MEMO1: variants seen among roughly 807,000 people sequenced by gnomAD.
MEMO1 encodes protein MEMO1.
Under a neutral mutation model 45.2 loss-of-function variants are expected in MEMO1, and 6 were observed. The observed-to-expected ratio is 0.13, with a 90% CI of 0.07 to 0.26. MEMO1 has a LOEUF of 0.26. Ranked by LOEUF, MEMO1 falls within the 10% of genes least tolerant of loss-of-function variation. The pLI, the probability that MEMO1 is intolerant of heterozygous loss-of-function variation, is 1.00. For missense variants in MEMO1, 184 were observed against 370.5 expected (o/e 0.50, Z 4.13); for synonymous variants, 78 against 124.3 (o/e 0.63, Z 2.48).
At chr2:31,878,363 G>A (rs370123143) in intron 8 of MEMO1, among the ~76,000 whole-genome samples, 4 of 152,316 alleles carry the variant, frequency 2.6e-5, no homozygotes, top group African/African-American at 9.6e-5. Flanking sequence ...ATATGGGGCA[G>A]AAGAGTAACA....
intron 8 of MEMO1, among the ~76,000 whole-genome samples, chr2:31,871,268 CTG>C (rs926171408): frequency 2.4e-4 from 37 of 152,064 alleles, no homozygotes; most frequent in African/African-American, 8.5e-4. Context: ...ACTGGTTATT[CTG>C]TGTTTTTGTT....
At chr2:31,975,102 G>A (rs550348084) in intron 2 of MEMO1, among the ~76,000 whole-genome samples, 8 of 151,052 alleles carry the variant, frequency 5.3e-5, no homozygotes, top group Admixed American at 2.0e-4. Flanking sequence ...AAACTGGGAG[G>A]CAGAGGTTGC....
At chr2:31,989,349 A>G (rs1671662890) in intron 2 of MEMO1, among the ~76,000 whole-genome samples, 1 of 152,244 alleles carries the variant, frequency 6.6e-6, no homozygotes, top group African/African-American at 2.4e-5. Context: ...AGTTTCTACC[A>G]CTATGGGCTT....
At chr2:31,886,360 T>G (rs1676188124) in intron 7 of MEMO1, among the ~76,000 whole-genome samples, 1 of 152,216 alleles carries the variant, frequency 6.6e-6, no homozygotes, top group Non-Finnish European at 1.5e-5. Flanking sequence ...AGGCATCTAA[T>G]TTGAAGTAAA....
intron 3 of MEMO1, among the ~76,000 whole-genome samples, chr2:31,941,750 A>C (rs1037281805): frequency 6.6e-6 from 1 of 152,244 alleles, no homozygotes; most frequent in Non-Finnish European, 1.5e-5. Context: ...CAGATAAAAA[A>C]GTTGCATGTC....
chr2:31,966,459 G>T (rs1465120680), intron 2 of MEMO1, among the ~76,000 whole-genome samples: 2 of 152,138 alleles, frequency 1.3e-5, no homozygotes, highest in Admixed American at 1.3e-4. Flanking sequence ...GGCCAGGCGC[G>T]GTGGCTCACG....
intron 6 of MEMO1, among the ~76,000 whole-genome samples, chr2:31,894,302 T>C (rs1042996228): frequency 6.6e-6 from 1 of 152,154 alleles, no homozygotes; most frequent in African/African-American, 2.4e-5. Context: ...CACTGAGGTA[T>C]AAGTTCCATC....
rs1399978689 is a variant in MEMO1, at chr2:31,959,546, T to G, written c.62-16163A>C. On this transcript the variant is annotated intron_variant, in intron 2 of 9. Coordinates refer to ENST00000404530, the MANE Select transcript of MEMO1 (RefSeq NM_001301833.4). ...ATTGATTTTGGTGATTATGAGAAAT[T>G]GGGAGCCTTTGAGCAGTTATTTTTC... Among the ~76,000 whole-genome samples the G allele has an allele frequency of 2.0e-5, 3 of 151,470 alleles. No homozygotes were observed. In the East Asian group the frequency reaches 5.8e-4, roughly 29 times the overall value.
intron 2 of MEMO1, among the ~76,000 whole-genome samples, chr2:32,001,196 G>A (rs1260526882): frequency 1.3e-5 from 2 of 151,648 alleles, no homozygotes; most frequent in Non-Finnish European, 2.9e-5. Flanking sequence ...CCGCCATCAC[G>A]GCCGGCTAAT....
At chr2:31,874,089 TATAAC>T (rs1346592109) in intron 8 of MEMO1, among the ~76,000 whole-genome samples, 2 of 152,130 alleles carry the variant, frequency 1.3e-5, no homozygotes, top group African/African-American at 4.8e-5. Flanking sequence ...AAAAAGAAGT[TATAAC>T]AGATGAATAC....
In MEMO1 at chr2:31,903,918, T is replaced by C. The variant is rs1226400635; in HGVS notation, c.438-11784A>G. On this transcript the variant is annotated intron_variant, in intron 6 of 9. Coordinates refer to ENST00000404530, the MANE Select transcript of MEMO1 (RefSeq NM_001301833.4). The stretch of plus-strand genomic sequence containing the variant: ...TTATTCTACGTCCAGAGAGAAGCCA[T>C]TCCATTCCTTAAAGACTACCTATAT... Among the ~76,000 whole-genome samples the C allele has an allele frequency of 2.0e-5, 3 of 152,218 alleles. No individual in the cohort carries two copies. The East Asian group carries it at 5.8e-4, about 29-fold the overall frequency.
At chr2:31,955,775 A>T (rs1309083813) in intron 2 of MEMO1, among the ~76,000 whole-genome samples, 1 of 151,760 alleles carries the variant, frequency 6.6e-6, no homozygotes, top group South Asian at 2.1e-4. Context: ...GGCCCAACTA[A>T]TTTTGTATTT....
chr2:31,976,094 A>C (rs569014170), intron 2 of MEMO1, among the ~76,000 whole-genome samples: 2 of 152,258 alleles, frequency 1.3e-5, no homozygotes, highest in South Asian at 4.1e-4. Flanking sequence ...GTTTCCCCTG[A>C]GATTAGTACT....
At chr2:31,939,350 C>T (rs1665339501) in intron 3 of MEMO1, among the ~76,000 whole-genome samples, 1 of 152,042 alleles carries the variant, frequency 6.6e-6, no homozygotes, top group Non-Finnish European at 1.5e-5. Flanking sequence ...ACACCAAAGC[C>T]AAAACTATTT....
At position 31,963,249 on chromosome 2, in the gene MEMO1, T is replaced by C. The variant is rs1322657855; in HGVS notation, c.62-19866A>G. On this transcript the variant is annotated intron_variant, in intron 2 of 9. Coordinates refer to ENST00000404530, the MANE Select transcript of MEMO1 (RefSeq NM_001301833.4). ...AGCCCTCCATAATGGCATGAGTCAA[T>C]TCCAAATAAATCTCTTTCTATATTG... 7.8e-6 allele frequency: 12 copies of C among 1,544,320 alleles called. No homozygotes were observed. The Middle Eastern group carries it at 5.0e-4, about 65-fold the overall frequency.
intron 4 of MEMO1, among the ~76,000 whole-genome samples, chr2:31,931,732 C>T (rs754694318): frequency 2.0e-5 from 3 of 151,984 alleles, no homozygotes; most frequent in South Asian, 2.1e-4. Context: ...TCTTAAATTA[C>T]GAAATGATTA....
At chr2:31,891,351 C>A (rs776620874) in intron 7 of MEMO1, among the ~76,000 whole-genome samples, 1 of 152,118 alleles carries the variant, frequency 6.6e-6, no homozygotes, top group Non-Finnish European at 1.5e-5. Context: ...CTAAAAGAGG[C>A]ATCCACAAAC....
At chr2:31,977,622 T>A (rs1166716729) in intron 2 of MEMO1, among the ~76,000 whole-genome samples, 1 of 152,152 alleles carries the variant, frequency 6.6e-6, no homozygotes, top group African/African-American at 2.4e-5. Context: ...CAAGCGATTC[T>A]CCTGCCTCAG....
intron 7 of MEMO1, among the ~76,000 whole-genome samples, chr2:31,887,586 A>G (rs778456931): frequency 3.3e-5 from 5 of 152,200 alleles, no homozygotes; most frequent in Non-Finnish European, 7.4e-5. Context: ...GAAAAAATGT[A>G]TTTCATAAAG....
Sources: allele counts gnomAD v4.1 joint callset (sites outside exome capture counted in the v4.1 genomes callset), GRCh38; gene constraint gnomAD v4.1.1; transcripts MANE v1.5; gene names NCBI Gene and HGNC (gene_info 2026-07-23, HGNC 2026-07-21).